Variants in HCN2 observed in about 807,000 individuals in gnomAD.
The protein encoded by HCN2 is hyperpolarization activated cyclic nucleotide gated potassium and sodium channel 2.
A neutral mutation model predicts 52.3 loss-of-function variants in HCN2; 20 were observed. The observed-to-expected ratio is 0.38, with a 90% CI of 0.27 to 0.56. The LOEUF is 0.56. HCN2 is among the 20% of genes least tolerant of loss of function. The pLI is 0.71. For synonymous variants in HCN2, 694 were observed against 537.0 expected, an observed-to-expected ratio of 1.29 and a Z score of -4.04; for missense variants, 981 against 1,207.7, an observed-to-expected ratio of 0.81 and a Z score of 2.78.
At chr19:610,034 T>G (rs4558525) in intron 4 of HCN2, among the ~76,000 whole-genome samples, 86,428 of 151,090 alleles carry the variant, frequency 0.57, 25,685 homozygotes, top group African/African-American at 0.72. Context: ...GGCGGGGGCT[T>G]TGTCTGACCC....
chr19:615,746 T>C (rs766904931), intron 7 of HCN2, 49 bp from the exon 8 acceptor site: 2 of 1,581,980 alleles, frequency 1.3e-6, no homozygotes, highest in Admixed American at 1.7e-5. Context: ...GTGCCCGCTG[T>C]ACGCAGCAGG....
At chr19:595,686 G>T (rs1819151668) in intron 1 of HCN2, among the ~76,000 whole-genome samples, 1 of 152,202 alleles carries the variant, frequency 6.6e-6, no homozygotes, top group African/African-American at 2.4e-5. Context: ...CCCGGCGAGA[G>T]TTCGGTGAAC....
chr19:601,597 A>G (rs1983204902), intron 1 of HCN2, among the ~76,000 whole-genome samples: 1 of 150,750 alleles, frequency 6.6e-6, no homozygotes, highest in Admixed American at 6.6e-5. Context: ...AGCTGGTGTG[A>G]ACACGGCGGG....
rs376640496 is a variant in HCN2 at position 610,399 on chromosome 19, G to A, written c.1578G>A (p.Leu526=). ...TCCTGGGCGAGCTCAACGGGCCCCTGCGGGAGGTGAGGCGGGCGCCGGGCG... is the reference window on the plus strand; with the variant it reads ...TCCTGGGCGAGCTCAACGGGCCCCTACGGGAGGTGAGGCGGGCGCCGGGCG... The part of the protein sequence containing the change: ...DSILGELNGP[L]REEIVNFNCR... Residue 526 remains leucine (L), a synonymous_variant, in exon 5 of 8, where the codon CTG becomes CTA. Coordinates refer to ENST00000251287, the MANE Select transcript of HCN2 (RefSeq NM_001194.4). 7 of 1,613,012 alleles carry A rather than the reference G, an allele frequency of 4.3e-6. No individual in the cohort carries two copies. The highest frequency in any genetic ancestry group is 1.3e-5 in the African/African-American group (1 of 74,906).
rs1555732093 is a variant in HCN2 at position 613,554 on chromosome 19, G to GGGGGCT, written c.1825+71_1825+72insTGGGGC. ...GCGACCCCCGCGGTGTGCAGAGCCA[G>GGGGGCT]GGGGCCGGGGCCGGGGCCGGGGCCG... On this transcript the variant is annotated intron_variant, in intron 6 of 7. Coordinates refer to ENST00000251287, the MANE Select transcript of HCN2 (RefSeq NM_001194.4). The GGGGGCT allele has an allele frequency of 7.2e-4, 660 of 912,620 alleles. 45 individuals are homozygous for GGGGGCT. The highest frequency in any genetic ancestry group is 6.2e-3 in the African/African-American group (237 of 38,218). 56.5% of individuals were successfully genotyped at this position (912,620 alleles called of 1,614,324 possible).
rs775788532 is a variant in HCN2 at position 610,385 on chromosome 19, C to A, written c.1564C>A (p.Leu522Ile). The A allele has an allele frequency of 2.5e-6, 4 of 1,613,312 alleles. No homozygotes were observed. Among genetic ancestry groups the A allele is most frequent in the African/African-American group, 1.3e-5 (1 of 74,914 alleles). Residue 522 changes from leucine to isoleucine, a missense_variant, in exon 5 of 8, where the codon CTC becomes ATC. This residue lies in a region of HCN2 where 282 missense variants were observed against 553.8 expected (regional missense o/e 0.51). Coordinates refer to ENST00000251287, the MANE Select transcript of HCN2 (RefSeq NM_001194.4). Reference sequence around the variant, plus strand: ...TGACGAGGACAGCATCCTGGGCGAGCTCAACGGGCCCCTGCGGGAGGTGAG... The same window carrying A: ...TGACGAGGACAGCATCCTGGGCGAGATCAACGGGCCCCTGCGGGAGGTGAG... ...MFDEDSILGE[L>I]NGPLREEIVN... is the part of the protein sequence containing the mutation.
chr19:594,539 G>A (rs893361387), intron 1 of HCN2, among the ~76,000 whole-genome samples: 8 of 152,172 alleles, frequency 5.3e-5, no homozygotes, highest in Non-Finnish European at 1.2e-4. Context: ...GGTCGGGGAG[G>A]AGCTGCTCCA....
Position 615,761 on chromosome 19 carries a change from C to A in HCN2, c.1991-34C>A. On this transcript the variant is annotated intron_variant, in intron 7 of 7. Transcript: ENST00000251287. ...GTGCCCGCTGTACGCAGCAGGCGCT[C>A]CCTGTGCACACGCTAACGCCCCCTC... 1.9e-6 allele frequency: 3 copies of A among 1,605,006 alleles called. No individual in the cohort carries two copies. The South Asian group carries it at 3.3e-5, about 18-fold the overall frequency.
rs1474178683 is a variant in HCN2 at position 590,541 on chromosome 19, CG to C, written c.601del (p.Ala201ProfsTer61). On this transcript the variant is annotated frameshift_variant, in exon 1 of 8. Coordinates refer to ENST00000251287, the MANE Select transcript of HCN2 (RefSeq NM_001194.4). LOFTEE classifies it high-confidence loss of function. This position sits in a 1 kb window ranked among gnomAD's most constrained non-coding sequence, Gnocchi z 7.2. ...CGCGAGCAGGAGCGCGTCAAGTCGG[CG>C]GGGGCCTGGATCATCCACCCGTACA... ...VEREQERVKS[A>X]GAWIIHPYSD... 3 of 1,506,054 alleles carry C rather than the reference CG, an allele frequency of 2.0e-6. No individual in the cohort carries two copies. The highest frequency in any genetic ancestry group is 1.8e-6 in the Non-Finnish European group (2 of 1,120,126). The allele number at this position is 1,506,054 out of a possible 1,614,324, so 93.3% of individuals were successfully genotyped here. A position where few individuals can be genotyped will look rare whatever the true frequency, so the allele number is the denominator to read the frequency against.
At position 589,910 on chromosome 19, in the gene HCN2, G is replaced by T; in HGVS notation, c.-36G>T. On this transcript the variant is annotated 5_prime_UTR_variant, in exon 1 of 8. Transcript: ENST00000251287. ...CGGGCTCCGGCCGGCGGCGGCGGCG[G>T]CGGCTCCGCTCCGCACTGCCCGGCG... 1 of 872,922 alleles carries T rather than the reference G, an allele frequency of 1.1e-6. No individual in the cohort carries two copies. The highest frequency in any genetic ancestry group is 1.4e-6 in the Non-Finnish European group (1 of 739,408). The allele number at this position is 872,922 out of a possible 1,614,324, so 54.1% of individuals were successfully genotyped here. A position where few individuals can be genotyped will look rare whatever the true frequency, so the allele number is the denominator to read the frequency against.
At chr19:604,774 G>A (rs1024000544) in intron 2 of HCN2, among the ~76,000 whole-genome samples, 1 of 137,456 alleles carries the variant, frequency 7.3e-6, no homozygotes, top group African/African-American at 2.7e-5. Flanking sequence ...AGACATCAGG[G>A]GTGGGGAGCT....
chr19:615,669 G>T lies in HCN2; in HGVS notation c.1991-126G>T, dbSNP rs1983869260. On this transcript the variant is annotated intron_variant, in intron 7 of 7. Transcript: ENST00000251287. ...TATGTGCTTATTGTATACAGTAGGT[G>T]GTAAATGCATGCTTGCTCTACACGG... 1.7e-5 allele frequency: 14 copies of T among 833,596 alleles called. No individual in the cohort carries two copies. In the South Asian group the frequency reaches 1.9e-4, roughly 11 times the overall value. The allele number at this position is 833,596 out of a possible 1,614,324, so 51.6% of individuals were successfully genotyped here.
intron 3 of HCN2, 35 bp downstream of exon 3, chr19:605,257 C>G: frequency 6.3e-7 from 1 of 1,599,784 alleles, no homozygotes; most frequent in Non-Finnish European, 8.5e-7. Context: ...GGGGGAGACG[C>G]AGGCTCCCAT....
chr19:598,597 C>A (rs1269429638), intron 1 of HCN2, among the ~76,000 whole-genome samples: 1 of 151,934 alleles, frequency 6.6e-6, no homozygotes, highest in East Asian at 1.9e-4. Context: ...TGAGCCCCTG[C>A]ACCCACCCTT....
chr19:590,031 C>T lies in HCN2; in HGVS notation c.86C>T (p.Ala29Val). 12 of 591,006 alleles carry T rather than the reference C, an allele frequency of 2.0e-5. No homozygotes were observed. The highest frequency in any genetic ancestry group is 2.5e-5 in the Non-Finnish European group (12 of 480,432). 36.6% of individuals were successfully genotyped at this position (591,006 alleles called of 1,614,324 possible). ...GGGCCGCCGCCGCCGCCGCCGCCCGCGCCCCCCCAACAGCAGCCGCCGCCG... is the reference window on the plus strand; with the variant it reads ...GGGCCGCCGCCGCCGCCGCCGCCCGTGCCCCCCCAACAGCAGCCGCCGCCG... ...APGPPPPPPP[A>V]PPQQQPPPPP... Residue 29 changes from alanine (A) to valine (V), a missense_variant, in exon 1 of 8, where the codon GCG (alanine) becomes GTG (valine). By Grantham distance (64) the Ala-to-Val change is moderately conservative. Transcript: ENST00000251287. The surrounding 1 kb of genome is among the most constrained non-coding windows in gnomAD (Gnocchi z 7.2).
chr19:615,593 C>A (rs573514124), intron 7 of HCN2, among the ~76,000 whole-genome samples: 54 of 152,318 alleles, frequency 3.5e-4, no homozygotes, highest in Non-Finnish European at 2.9e-5. Context: ...AGGTGCTCAG[C>A]CTGTATATGG....
In HCN2 at chr19:591,704, G is replaced by A. The variant is rs1463393117; in HGVS notation, c.632+1127G>A. ...ACGGACAGCGCGCCGGACCTGGGAA[G>A]CCTGCGGTTTTCCCGCCTGTCTCTC... On this transcript the variant is annotated intron_variant, in intron 1 of 7. Coordinates refer to ENST00000251287, the MANE Select transcript of HCN2 (RefSeq NM_001194.4). This position sits in a 1 kb window ranked among gnomAD's most constrained non-coding sequence, Gnocchi z 4.1. Among the ~76,000 whole-genome samples, 8 of 152,134 alleles carry A rather than the reference G, an allele frequency of 5.3e-5. No individual in the cohort carries two copies. Among genetic ancestry groups the A allele is most frequent in the Non-Finnish European group, 1.2e-4 (8 of 67,990 alleles).
chr19:610,344 A>G lies in HCN2; in HGVS notation c.1523A>G (p.Tyr508Cys). 6.2e-7 allele frequency: 1 copy of G among 1,613,812 alleles called. No individual in the cohort carries two copies. The highest frequency in any genetic ancestry group is 8.5e-7 in the Non-Finnish European group (1 of 1,179,804). The change falls in exon 5 of 8, where the codon TAC becomes TGC. Residue 508 changes from tyrosine (Y) to cysteine (C), a missense_variant. Physicochemically the swap from Tyr to Cys is radical, Grantham distance 194. Coordinates refer to ENST00000251287, the MANE Select transcript of HCN2 (RefSeq NM_001194.4). ...ATCCACGACTACTATGAGCACCGTT[A>G]CCAGGGCAAGATGTTTGACGAGGAC... ...QKIHDYYEHR[Y>C]QGKMFDEDSI... is the part of the protein sequence containing the mutation.
intron 5 of HCN2, among the ~76,000 whole-genome samples, chr19:612,538 C>T (rs1355343594): frequency 3.3e-5 from 5 of 151,782 alleles, no homozygotes; most frequent in South Asian, 2.1e-4. Flanking sequence ...CTCAGCCTCC[C>T]GAGTAGCTGG....
Sources: gnomAD v4.1 joint callset for allele counts (sites outside exome capture counted in the v4.1 genomes callset) on GRCh38, gnomAD v4.1.1 for gene constraint, gnomAD v4.1.1 regional missense constraint, Gnocchi (gnomAD v3.1) non-coding constraint, MANE v1.5 for transcripts, NCBI Gene and HGNC (gene_info 2026-07-23, HGNC 2026-07-21) for gene names.